The following CDH8 variants were observed in gnomAD, a reference collection of about 807,000 sequenced individuals.
The protein encoded by CDH8 is cadherin-8.
CDH8 carries 17 observed loss-of-function variants against 68.1 expected under a neutral mutation model. That is an observed-to-expected ratio of 0.25 (90% confidence interval 0.17 to 0.37). The LOEUF (loss-of-function observed/expected upper bound fraction) is 0.37, where lower values mean the gene tolerates loss of function less well. Ranked by LOEUF, CDH8 falls within the 10% of genes least tolerant of loss-of-function variation. The probability of loss-of-function intolerance (pLI) is 1.00; values close to 1 mark genes in which losing one functional copy is unlikely to be tolerated. For synonymous variants in CDH8, 372 were observed against 365.1 expected (o/e 1.02, Z -0.21); for missense variants, 763 against 999.3 (o/e 0.76, Z 3.19).
At chr16:61,768,099 TG>T (rs1960640235) in intron 8 of CDH8, among the ~76,000 whole-genome samples, 2 of 151,940 alleles carry the variant, frequency 1.3e-5, no homozygotes, top group Non-Finnish European at 2.9e-5. Context: ...TTATTATGGT[TG>T]TTATTATTGT....
intron 8 of CDH8, among the ~76,000 whole-genome samples, chr16:61,777,134 G>A (rs1960923148): frequency 6.6e-6 from 1 of 152,112 alleles, no homozygotes; most frequent in Non-Finnish European, 1.5e-5. Context: ...CTGCTGGACT[G>A]ATAACTTTAT....
At chr16:61,668,292 A>C (rs1340774740) in intron 10 of CDH8, among the ~76,000 whole-genome samples, 2 of 151,920 alleles carry the variant, frequency 1.3e-5, no homozygotes, top group African/African-American at 4.8e-5. Flanking sequence ...TGCATGCTAG[A>C]TTCAATCACA....
At chr16:62,024,286 A>G (rs1028753539) in intron 1 of CDH8, among the ~76,000 whole-genome samples, 1 of 152,088 alleles carries the variant, frequency 6.6e-6, no homozygotes, top group Non-Finnish European at 1.5e-5. Context: ...GCAATGAAAC[A>G]ATGATAATAA....
intron 8 of CDH8, among the ~76,000 whole-genome samples, chr16:61,735,161 C>A (rs895281878): frequency 6.6e-6 from 1 of 151,990 alleles, no homozygotes; most frequent in Non-Finnish European, 1.5e-5. Flanking sequence ...CTAGAATAAT[C>A]CCATCCCAAG....
chr16:61,930,029 C>T (rs1366272775), intron 2 of CDH8, among the ~76,000 whole-genome samples: 1 of 152,062 alleles, frequency 6.6e-6, no homozygotes, highest in Non-Finnish European at 1.5e-5. Flanking sequence ...TGACTCTGTT[C>T]CATAACAAAT....
In CDH8 at chr16:61,960,390, T is replaced by TAC. The variant is rs568068618; in HGVS notation, c.253-58919_253-58918dup. 3.1e-4 allele frequency among the ~76,000 whole-genome samples: 40 copies of TAC among 127,678 alleles called. 3 individuals are homozygous for TAC. In the South Asian group the frequency reaches 9.0e-3, roughly 29 times the overall value. 83.8% of individuals were successfully genotyped at this position (127,678 alleles called of 152,430 possible). A position where few individuals can be genotyped will look rare whatever the true frequency, so the allele number is the denominator to read the frequency against. On this transcript the variant is annotated intron_variant, in intron 2 of 11. Transcript: ENST00000577390. Reference sequence around the variant, plus strand: ...ATACATATATACATGTGTGTGTGTATACACATACATATATACATATATGTG... The same window carrying TAC: ...ATACATATATACATGTGTGTGTGTATACACACATACATATATACATATATGTG...
At chr16:61,982,214 T>C (rs1429401823) in intron 2 of CDH8, among the ~76,000 whole-genome samples, 2 of 152,116 alleles carry the variant, frequency 1.3e-5, no homozygotes, top group African/African-American at 4.8e-5. Context: ...CTGTGAGACA[T>C]TAGGCAATTT....
intron 7 of CDH8, among the ~76,000 whole-genome samples, chr16:61,798,387 A>G (rs1268222442): frequency 6.6e-6 from 1 of 152,194 alleles, no homozygotes; most frequent in Non-Finnish European, 1.5e-5. Context: ...CCACAGCTGA[A>G]TTGCATAGAA....
chr16:61,789,632 A>C (rs1961331702), intron 7 of CDH8, 150 bp from the exon 8 acceptor site: 1 of 698,578 alleles, frequency 1.4e-6, no homozygotes, highest in East Asian at 3.1e-5. Flanking sequence ...AACAAAAATG[A>C]CTGAATGAGG....
At chr16:61,718,600 C>T (rs1245540145) in intron 9 of CDH8, among the ~76,000 whole-genome samples, 3 of 151,152 alleles carry the variant, frequency 2.0e-5, no homozygotes, top group Non-Finnish European at 4.4e-5. Flanking sequence ...TTATTATCTC[C>T]ACTTTATTTC....
intron 7 of CDH8, among the ~76,000 whole-genome samples, chr16:61,793,305 A>G (rs1357657516): frequency 1.3e-5 from 2 of 151,874 alleles, no homozygotes; most frequent in Admixed American, 6.6e-5. Flanking sequence ...CAGGTTTATT[A>G]CATAGGTAAA....
intron 3 of CDH8, among the ~76,000 whole-genome samples, chr16:61,878,080 A>G (rs1195744521): frequency 2.0e-5 from 3 of 152,196 alleles, no homozygotes; most frequent in Admixed American, 1.3e-4. Flanking sequence ...GAAGAGTTTG[A>G]ACATCTCTTT....
chr16:61,886,853 G>T (rs1450589759), intron 3 of CDH8, among the ~76,000 whole-genome samples: 1 of 152,166 alleles, frequency 6.6e-6, no homozygotes, highest in African/African-American at 2.4e-5. Flanking sequence ...AGATTTGGTG[G>T]AATGTCTGCC....
intron 2 of CDH8, among the ~76,000 whole-genome samples, chr16:61,998,947 A>G (rs1313356582): frequency 2.0e-5 from 3 of 152,216 alleles, no homozygotes; most frequent in Non-Finnish European, 4.4e-5. Context: ...TAGATATTAT[A>G]TGGAAGCTCA....
intron 8 of CDH8, among the ~76,000 whole-genome samples, chr16:61,740,908 T>C (rs1239829141): frequency 3.3e-5 from 5 of 152,176 alleles, no homozygotes; most frequent in African/African-American, 4.8e-5. Context: ...CATATTTCAA[T>C]ATCCTGTGAA....
At chr16:61,857,010 T>G in intron 4 of CDH8, 109 bp downstream of exon 4, 1 of 1,254,628 alleles carries the variant, frequency 8.0e-7, no homozygotes, top group Non-Finnish European at 1.2e-6. Flanking sequence ...ATATTATTGA[T>G]GCAGGCAGTG....
chr16:61,905,285 T>C (rs1157739547), intron 2 of CDH8, among the ~76,000 whole-genome samples: 2 of 152,168 alleles, frequency 1.3e-5, no homozygotes, highest in Non-Finnish European at 1.5e-5. Context: ...CATGCTCTTC[T>C]CTGTCTTAGG....
chr16:61,871,539 T>C (rs1296402774), intron 3 of CDH8, among the ~76,000 whole-genome samples: 10 of 151,834 alleles, frequency 6.6e-5, no homozygotes, highest in African/African-American at 2.4e-4. Context: ...AACAAATAAA[T>C]ATTTATTTAA....
At chr16:61,733,999 T>G (rs1959607925) in intron 8 of CDH8, among the ~76,000 whole-genome samples, 1 of 152,084 alleles carries the variant, frequency 6.6e-6, no homozygotes, top group Non-Finnish European at 1.5e-5. Context: ...CTCTCTGCCC[T>G]CATTTTGATT....
Sources: allele counts gnomAD v4.1 joint callset (sites outside exome capture counted in the v4.1 genomes callset), GRCh38; gene constraint gnomAD v4.1.1; transcripts MANE v1.5; gene names NCBI Gene and HGNC (gene_info 2026-07-23, HGNC 2026-07-21).